SPOCK3: variants seen among roughly 807,000 people sequenced by gnomAD.
SPOCK3 encodes the protein testican-3.
In SPOCK3, 30 loss-of-function variants were observed where a neutral mutation model predicts 56.6. That is an observed-to-expected ratio of 0.53 (90% confidence interval 0.40 to 0.72). The LOEUF is 0.72. Among genes scored for constraint, SPOCK3 ranks in the 30% least tolerant of loss-of-function variants. The pLI is 0.00. For synonymous variants in SPOCK3, 196 were observed against 183.3 expected, an observed-to-expected ratio of 1.07 and a Z score of -0.56; for missense variants, 527 against 530.0, an observed-to-expected ratio of 0.99 and a Z score of 0.06.
At position 167,193,157 on chromosome 4, in the gene SPOCK3, A is replaced by G. The variant is rs752886107; in HGVS notation, c.189+40828T>C. Among the ~76,000 whole-genome samples the G allele has an allele frequency of 2.0e-4, 29 of 145,798 alleles. 3 individuals carry two copies. Among genetic ancestry groups the G allele is most frequent in the Non-Finnish European group, 3.4e-4 (23 of 66,910 alleles). On this transcript the variant is annotated intron_variant, in intron 2 of 10. Coordinates refer to ENST00000357545, the MANE Select transcript of SPOCK3 (RefSeq NM_001040159.2). Reference sequence around the variant, plus strand: ...CTAATTTGCAAGGACTTACTTTGCCATTTTGTTGTTTTCTGGTTGTTCTAT... The same window carrying G: ...CTAATTTGCAAGGACTTACTTTGCCGTTTTGTTGTTTTCTGGTTGTTCTAT...
chr4:166,940,783 A>G (rs1485861436), intron 4 of SPOCK3, among the ~76,000 whole-genome samples: 1 of 144,464 alleles, frequency 6.9e-6, no homozygotes, highest in Non-Finnish European at 1.5e-5. Flanking sequence ...AAGAGGAGTT[A>G]TTAGCAAGTA....
At chr4:167,054,893 T>C (rs1435164286) in intron 3 of SPOCK3, among the ~76,000 whole-genome samples, 1 of 152,138 alleles carries the variant, frequency 6.6e-6, no homozygotes, top group Non-Finnish European at 1.5e-5. Flanking sequence ...TATGTTTATG[T>C]ATGTATGTAT....
intron 6 of SPOCK3, among the ~76,000 whole-genome samples, chr4:166,844,901 A>G (rs1353866400): frequency 1.3e-5 from 2 of 152,210 alleles, no homozygotes; most frequent in East Asian, 1.9e-4. Flanking sequence ...ATGCTGAAAT[A>G]GCTCTCTGCT....
In SPOCK3 at chr4:166,869,658, CA is replaced by C. The variant is rs752541872; in HGVS notation, c.589+19471del. On this transcript the variant is annotated intron_variant, in intron 6 of 10. Coordinates refer to ENST00000357545, the MANE Select transcript of SPOCK3 (RefSeq NM_001040159.2). ...TGTGTGTGTGTGTGTTTGAGATTTACAGTTTTACCTCCAACATGTAAGGAGC... is the reference window on the plus strand; with the variant it reads ...TGTGTGTGTGTGTGTTTGAGATTTACGTTTTACCTCCAACATGTAAGGAGC... Among the ~76,000 whole-genome samples, 153 of 146,352 alleles carry C rather than the reference CA, an allele frequency of 1.0e-3. 2 individuals are homozygous for C. The Middle Eastern group carries it at 0.025, about 24-fold the overall frequency.
chr4:166,754,753 A>G (rs750830268), intron 7 of SPOCK3, 24 bp from the exon 8 acceptor site: 3 of 1,611,592 alleles, frequency 1.9e-6, no homozygotes, highest in African/African-American at 1.3e-5. Context: ...AAAGAAAATG[A>G]TTAGTTAAAT....
At position 166,790,199 on chromosome 4, in the gene SPOCK3, T is replaced by C. The variant is rs144429893; in HGVS notation, c.709+1971A>G. On this transcript the variant is annotated intron_variant, in intron 7 of 10. Coordinates refer to ENST00000357545, the MANE Select transcript of SPOCK3 (RefSeq NM_001040159.2). Reference sequence around the variant, plus strand: ...TGGTGAATAAAGACCTCTTACTACATTGAGTTTAAGTACTCTGGTTGGGAG... The same window carrying C: ...TGGTGAATAAAGACCTCTTACTACACTGAGTTTAAGTACTCTGGTTGGGAG... Among the ~76,000 whole-genome samples the C allele has an allele frequency of 9.8e-5, 15 of 152,288 alleles. No homozygotes were observed. In the East Asian group the frequency reaches 2.9e-3, roughly 29 times the overall value.
chr4:166,840,840 G>A (rs922234615), intron 6 of SPOCK3, among the ~76,000 whole-genome samples: 2 of 137,602 alleles, frequency 1.5e-5, no homozygotes, highest in Non-Finnish European at 3.0e-5. Flanking sequence ...GTGCAGTGGC[G>A]CAATCTCGGG....
At chr4:167,089,093 A>G (rs1758476336) in intron 2 of SPOCK3, among the ~76,000 whole-genome samples, 2 of 152,158 alleles carry the variant, frequency 1.3e-5, no homozygotes, top group African/African-American at 4.8e-5. Flanking sequence ...ATGAAAAACA[A>G]TAGACAAATC....
At chr4:166,833,067 C>G (rs1746249924) in intron 6 of SPOCK3, among the ~76,000 whole-genome samples, 2 of 152,092 alleles carry the variant, frequency 1.3e-5, no homozygotes, top group Admixed American at 6.5e-5. Flanking sequence ...AAGTTGATAT[C>G]ATTTTTAAAA....
chr4:166,975,805 T>G (rs1745880052), intron 4 of SPOCK3, among the ~76,000 whole-genome samples: 1 of 152,140 alleles, frequency 6.6e-6, no homozygotes, highest in Non-Finnish European at 1.5e-5. Context: ...CTTAATGTAA[T>G]GTCTTCCAGT....
At chr4:166,896,104 A>G (rs959597972) in intron 5 of SPOCK3, among the ~76,000 whole-genome samples, 4 of 152,176 alleles carry the variant, frequency 2.6e-5, no homozygotes, top group African/African-American at 9.6e-5. Flanking sequence ...GTAAGTTTCT[A>G]TAGGAAAGTG....
At chr4:166,776,075 G>C (rs552933351) in intron 7 of SPOCK3, among the ~76,000 whole-genome samples, 55 of 152,230 alleles carry the variant, frequency 3.6e-4, no homozygotes, top group African/African-American at 1.3e-3. Context: ...TTGTGATGGA[G>C]AGAAATTTGA....
intron 2 of SPOCK3, among the ~76,000 whole-genome samples, chr4:167,224,906 C>G (rs1736438293): frequency 6.6e-6 from 1 of 152,152 alleles, no homozygotes; most frequent in South Asian, 2.1e-4. Context: ...ACCTCAAGAT[C>G]TGCCCACCTT....
chr4:167,181,243 T>C (rs1731428295), intron 2 of SPOCK3, among the ~76,000 whole-genome samples: 1 of 152,164 alleles, frequency 6.6e-6, no homozygotes, highest in Non-Finnish European at 1.5e-5. Context: ...GGCAACTCTA[T>C]TCTTAAAATG....
chr4:166,819,796 G>A (rs1410032168), intron 6 of SPOCK3, among the ~76,000 whole-genome samples: 1 of 151,464 alleles, frequency 6.6e-6, no homozygotes, highest in African/African-American at 2.4e-5. Context: ...AGGCTGAAGT[G>A]GCACCCTTGA....
At chr4:166,809,763 A>C (rs1344116601) in intron 6 of SPOCK3, among the ~76,000 whole-genome samples, 1 of 152,074 alleles carries the variant, frequency 6.6e-6, no homozygotes, top group Non-Finnish European at 1.5e-5. Flanking sequence ...ACCAATTGTG[A>C]AGCTTTGGTG....
At chr4:167,230,173 T>A (rs1038478864) in intron 2 of SPOCK3, among the ~76,000 whole-genome samples, 7 of 151,986 alleles carry the variant, frequency 4.6e-5, no homozygotes, top group Non-Finnish European at 8.8e-5. Flanking sequence ...AAATCAATAA[T>A]AGATAATTTT....
At chr4:167,187,829 G>A (rs1732138304) in intron 2 of SPOCK3, among the ~76,000 whole-genome samples, 1 of 152,076 alleles carries the variant, frequency 6.6e-6, no homozygotes, top group Admixed American at 6.6e-5. Context: ...ATTAATTACA[G>A]AGGACATTTG....
At chr4:166,947,980 G>C (rs1179210859) in intron 4 of SPOCK3, among the ~76,000 whole-genome samples, 1 of 152,054 alleles carries the variant, frequency 6.6e-6, no homozygotes, top group African/African-American at 2.4e-5. Context: ...CCAACTAACT[G>C]TAACTTTGTA....
Sources: allele counts gnomAD v4.1 joint callset (sites outside exome capture counted in the v4.1 genomes callset), GRCh38; gene constraint gnomAD v4.1.1; transcripts MANE v1.5; gene names NCBI Gene and HGNC (gene_info 2026-07-23, HGNC 2026-07-21).